Variants in CALCRL observed in about 807,000 individuals in gnomAD.
CALCRL encodes calcitonin gene-related peptide type 1 receptor.
Under a neutral mutation model 60.4 loss-of-function variants are expected in CALCRL, and 27 were observed. The ratio of observed to expected loss-of-function variants is 0.45; its 90% CI spans 0.33 to 0.62. The LOEUF (loss-of-function observed/expected upper bound fraction) is 0.62. CALCRL is among the 20% of genes least tolerant of loss of function. The pLI, the probability that CALCRL is intolerant of heterozygous loss-of-function variation, is 0.03. For missense variants in CALCRL, 424 were observed against 540.7 expected, an observed-to-expected ratio of 0.78 and a Z score of 2.14; for synonymous variants, 190 against 182.6, an observed-to-expected ratio of 1.04 and a Z score of -0.33.
At chr2:187,356,073 C>A (rs1404749807) in intron 12 of CALCRL, among the ~76,000 whole-genome samples, 1 of 152,130 alleles carries the variant, frequency 6.6e-6, no homozygotes, top group Non-Finnish European at 1.5e-5. Flanking sequence ...GGCCATACTA[C>A]CCAAAGTAAT....
In CALCRL at chr2:187,346,250, G is replaced by A; in HGVS notation, c.1320C>T (p.His440=). Residue 440 remains histidine (H), a synonymous_variant, in exon 15 of 15, where the codon CAC becomes CAT. Coordinates refer to ENST00000392370, the MANE Select transcript of CALCRL (RefSeq NM_005795.6). ...TATCATGGATGCTTTTTCCATTTAAGTGTTCACTAGGACAGTCATGACTAT... is the reference window on the plus strand; with the variant it reads ...TATCATGGATGCTTTTTCCATTTAAATGTTCACTAGGACAGTCATGACTAT... ...PGYSHDCPSE[H]LNGKSIHDIE... is the part of the protein sequence containing the mutation. 6.2e-7 allele frequency: 1 copy of A among 1,612,042 alleles called. No individual in the cohort carries two copies. Among genetic ancestry groups the A allele is most frequent in the East Asian group, 2.2e-5 (1 of 44,812 alleles).
intron 1 of CALCRL, among the ~76,000 whole-genome samples, chr2:187,389,007 A>G (rs1055492198): frequency 1.3e-5 from 2 of 151,732 alleles, no homozygotes; most frequent in Admixed American, 1.3e-4. Flanking sequence ...CTGATGGGCT[A>G]ATTTCTTTCT....
intron 8 of CALCRL, among the ~76,000 whole-genome samples, chr2:187,369,520 T>C (rs1368024265): frequency 6.6e-6 from 1 of 152,166 alleles, no homozygotes; most frequent in Non-Finnish European, 1.5e-5. Context: ...TAAAAAGTGA[T>C]CTATTGAGTT....
intron 8 of CALCRL, among the ~76,000 whole-genome samples, chr2:187,369,272 A>G (rs959000632): frequency 3.3e-5 from 5 of 152,082 alleles, no homozygotes; most frequent in Non-Finnish European, 7.4e-5. Context: ...TGAGCAGGAA[A>G]CCAAGAGAAG....
intron 1 of CALCRL, among the ~76,000 whole-genome samples, chr2:187,422,882 AG>A (rs1267422346): frequency 1.3e-5 from 2 of 152,018 alleles, no homozygotes; most frequent in Admixed American, 6.6e-5. Context: ...GTAAAATATG[AG>A]GGGGGTATAT....
chr2:187,443,189 C>A (rs534760945), intron 1 of CALCRL, among the ~76,000 whole-genome samples: 4 of 151,890 alleles, frequency 2.6e-5, no homozygotes, highest in African/African-American at 9.6e-5. Context: ...ATAAATCACA[C>A]TTGTTCACTC....
At chr2:187,407,747 C>G (rs532011924) in intron 1 of CALCRL, among the ~76,000 whole-genome samples, 1 of 152,108 alleles carries the variant, frequency 6.6e-6, no homozygotes, top group East Asian at 1.9e-4. Flanking sequence ...GCAACAAGTA[C>G]ATATTTAGGT....
chr2:187,381,780 TAGAG>T (rs1003887599), intron 5 of CALCRL, among the ~76,000 whole-genome samples: 3 of 152,110 alleles, frequency 2.0e-5, no homozygotes, highest in Non-Finnish European at 4.4e-5. Context: ...ACTTGTCAGA[TAGAG>T]ATAGAACCTT....
intron 1 of CALCRL, among the ~76,000 whole-genome samples, chr2:187,442,681 A>G (rs2105912817): frequency 6.6e-6 from 1 of 152,098 alleles, no homozygotes; most frequent in South Asian, 2.1e-4. Flanking sequence ...TCTCATTTTG[A>G]GATTGTGGAG....
intron 1 of CALCRL, among the ~76,000 whole-genome samples, chr2:187,391,651 A>G (rs999817930): frequency 2.6e-5 from 4 of 152,144 alleles, no homozygotes; most frequent in African/African-American, 4.8e-5. Context: ...TAAAAATTAA[A>G]CTAAGTGGTT....
intron 8 of CALCRL, among the ~76,000 whole-genome samples, chr2:187,367,399 A>T (rs540507532): frequency 2.6e-5 from 4 of 152,176 alleles, no homozygotes; most frequent in Non-Finnish European, 5.9e-5. Flanking sequence ...AAACAAATGC[A>T]GACAGATGCT....
chr2:187,357,948 C>A (rs758575240), intron 12 of CALCRL, among the ~76,000 whole-genome samples: 40 of 151,700 alleles, frequency 2.6e-4, no homozygotes, highest in Non-Finnish European at 4.1e-4. Flanking sequence ...ACAACAACAA[C>A]AACAAAATGA....
chr2:187,379,512 T>G (rs1048327481), intron 7 of CALCRL, among the ~76,000 whole-genome samples: 2 of 152,182 alleles, frequency 1.3e-5, no homozygotes, highest in African/African-American at 4.8e-5. Context: ...CTTAGAAGAT[T>G]CTATGATCTG....
chr2:187,344,922 AAAG>A lies in CALCRL; in HGVS notation c.*1259_*1261del, dbSNP rs1194338490. 4 of 151,866 alleles carry A rather than the reference AAAG, an allele frequency of 2.6e-5. No homozygotes were observed. In the East Asian group the frequency reaches 5.8e-4, roughly 22 times the overall value. The allele number at this position is 151,866 out of a possible 1,614,324, so 9.4% of individuals were successfully genotyped here. A position where few individuals can be genotyped will look rare whatever the true frequency, so the allele number is the denominator to read the frequency against. On this transcript the variant is annotated 3_prime_UTR_variant, in exon 15 of 15. Coordinates refer to ENST00000392370, the MANE Select transcript of CALCRL (RefSeq NM_005795.6). The stretch of plus-strand genomic sequence containing the variant: ...ATGTGAGTTCATTGTCAAAATGAAA[AAAG>A]AAATATGTCAAACACACCTATTATT...
At chr2:187,356,782 C>T (rs1400177947) in intron 12 of CALCRL, among the ~76,000 whole-genome samples, 1 of 152,136 alleles carries the variant, frequency 6.6e-6, no homozygotes, top group African/African-American at 2.4e-5. Context: ...CCAGAATCTA[C>T]AAAGAACTTA....
At chr2:187,414,814 A>G (rs1043434392) in intron 1 of CALCRL, among the ~76,000 whole-genome samples, 1 of 152,004 alleles carries the variant, frequency 6.6e-6, no homozygotes, top group Non-Finnish European at 1.5e-5. Flanking sequence ...TGGCACACAC[A>G]TCATCCCAAA....
Position 187,359,071 on chromosome 2 carries a change from C to G in CALCRL, c.901G>C (p.Ala301Pro). Residue 301 changes from alanine (A) to proline (P), a missense_variant, in exon 12 of 15, where the codon GCT becomes CCT. Physicochemically the swap from Ala to Pro is conservative, Grantham distance 27. Transcript: ENST00000392370. ...GAGAATTTGTTACATACCAGTAAAG[C>G]AGCACAAATTGGGCCATGGATAATG... ...LYIIHGPICAALLVNLFFLLN... is the reference protein window; with the variant it reads ...LYIIHGPICAPLLVNLFFLLN... 6.2e-7 allele frequency: 1 copy of G among 1,611,472 alleles called. No homozygotes were observed. The highest frequency in any genetic ancestry group is 8.5e-7 in the Non-Finnish European group (1 of 1,177,726).
intron 1 of CALCRL, among the ~76,000 whole-genome samples, chr2:187,417,057 A>C (rs1392993114): frequency 6.6e-6 from 1 of 152,114 alleles, no homozygotes; most frequent in Non-Finnish European, 1.5e-5. Context: ...TTGACGAATA[A>C]TGAGGGTGAA....
chr2:187,412,625 T>C (rs910274801), intron 1 of CALCRL, among the ~76,000 whole-genome samples: 3 of 152,210 alleles, frequency 2.0e-5, no homozygotes, highest in Admixed American at 6.5e-5. Context: ...ATTATCTGAA[T>C]TATTCAAGCT....
Sources: allele counts gnomAD v4.1 joint callset (sites outside exome capture counted in the v4.1 genomes callset), GRCh38; gene constraint gnomAD v4.1.1; transcripts MANE v1.5; gene names NCBI Gene and HGNC (gene_info 2026-07-23, HGNC 2026-07-21).